RERE: variants seen among roughly 807,000 people sequenced by gnomAD.
The protein encoded by RERE is arginine-glutamic acid dipeptide repeats, also known as arginine-glutamic acid dipeptide repeats protein.
Under a neutral mutation model 146.1 loss-of-function variants are expected in RERE, and 40 were observed. That is an observed-to-expected ratio of 0.27 (90% confidence interval 0.21 to 0.36). The LOEUF is 0.36. Among genes scored for constraint, RERE ranks in the 10% least tolerant of loss-of-function variants. RERE has a pLI of 1.00. For synonymous variants in RERE, 1,003 were observed against 866.0 expected (o/e 1.16, Z -2.78); for missense variants, 1,933 against 2,138.7 (o/e 0.90, Z 1.90).
intron 12 of RERE, among the ~76,000 whole-genome samples, chr1:8,406,882 T>C (rs1287989195): frequency 1.3e-5 from 2 of 152,170 alleles, no homozygotes; most frequent in Admixed American, 6.5e-5. Context: ...TCAGAGCTCA[T>C]ACAACTTTGT....
At chr1:8,365,766 G>C (rs1282190776) in intron 13 of RERE, 46 bp downstream of exon 13, 13 of 1,601,764 alleles carry the variant, frequency 8.1e-6, no homozygotes, top group African/African-American at 6.7e-5. Context: ...GGCTGCCCGT[G>C]AACAGTCTCC....
At chr1:8,438,505 A>G (rs1277505180) in intron 11 of RERE, among the ~76,000 whole-genome samples, 1 of 152,252 alleles carries the variant, frequency 6.6e-6, no homozygotes, top group Non-Finnish European at 1.5e-5. Context: ...GATTTCCCAT[A>G]TAGATGGGTC....
Position 8,360,487 on chromosome 1 carries a change from A to C in RERE, c.3020T>G (p.Leu1007Arg). The change falls in exon 18 of 23, where the codon CTG (leucine) becomes CGG (arginine). Residue 1007 changes from leucine (L) to arginine (R), a missense_variant. This residue lies in a region of RERE where 1,255 missense variants were observed against 1,153.8 expected (regional missense o/e 1.09). Coordinates refer to ENST00000400908, the MANE Select transcript of RERE (RefSeq NM_001042681.2). ...LPSSPAQPPG[L>R]TQSQNLPPPP... is the part of the protein sequence containing the mutation. ...CGGGGGCAGGTTCTGGCTCTGGGTC[A>C]GCCCGGGGGGCTGGGCGGGCGAGGA... is the stretch of plus-strand genomic sequence containing the variant. 8.1e-7 allele frequency: 1 copy of C among 1,234,042 alleles called. No homozygotes were observed. The highest frequency in any genetic ancestry group is 1.0e-6 in the Non-Finnish European group (1 of 955,470). 76.4% of individuals were successfully genotyped at this position (1,234,042 alleles called of 1,614,324 possible).
chr1:8,773,554 G>A lies in RERE; in HGVS notation c.-145+43606C>T, dbSNP rs562794884. Among the ~76,000 whole-genome samples the A allele has an allele frequency of 5.3e-5, 8 of 152,194 alleles. No individual in the cohort carries two copies. In the South Asian group the frequency reaches 1.2e-3, roughly 24 times the overall value. On this transcript the variant is annotated intron_variant, in intron 1 of 22. Transcript: ENST00000400908. ...AAAAATACAAAAATTAGCTGGGCAC[G>A]GTAGCTCACGCCTGTAATCCCAGCA... is the stretch of plus-strand genomic sequence containing the variant.
At chr1:8,734,496 A>G (rs1237766554) in intron 1 of RERE, among the ~76,000 whole-genome samples, 1 of 152,158 alleles carries the variant, frequency 6.6e-6, no homozygotes, top group Non-Finnish European at 1.5e-5. Flanking sequence ...TGTCTGCACT[A>G]CATCTACCAA....
intron 3 of RERE, among the ~76,000 whole-genome samples, chr1:8,619,245 A>G (rs1475548105): frequency 1.3e-5 from 2 of 152,210 alleles, no homozygotes; most frequent in Non-Finnish European, 1.5e-5. Context: ...AGCCGTAACA[A>G]TATGTCGAGC....
At chr1:8,607,361 C>CAA (rs1646728871) in intron 4 of RERE, among the ~76,000 whole-genome samples, 10 of 136,454 alleles carry the variant, frequency 7.3e-5, no homozygotes, top group African/African-American at 2.9e-4. Context: ...TACCCTGTCT[C>CAA]CAAAAAAAAA....
At chr1:8,759,828 ACT>A (rs140265631) in intron 1 of RERE, among the ~76,000 whole-genome samples, 16 of 133,608 alleles carry the variant, frequency 1.2e-4, no homozygotes, top group African/African-American at 3.2e-4. Flanking sequence ...CTAAATTCTT[ACT>A]CTCTCTATAC....
intron 1 of RERE, among the ~76,000 whole-genome samples, chr1:8,758,868 T>C (rs1208113792): frequency 1.3e-5 from 2 of 150,272 alleles, no homozygotes; most frequent in Non-Finnish European, 3.0e-5. Flanking sequence ...AAAAAAAAAA[T>C]GTGAAGTAAT....
intron 4 of RERE, among the ~76,000 whole-genome samples, chr1:8,569,832 C>T (rs1193930420): frequency 6.8e-6 from 1 of 146,410 alleles, no homozygotes; most frequent in African/African-American, 2.4e-5. Flanking sequence ...CTAAAGGCTG[C>T]AATAAGCTAT....
chr1:8,788,015 T>C lies in RERE; in HGVS notation c.-145+29145A>G, dbSNP rs538464307. Among the ~76,000 whole-genome samples, 4 of 152,160 alleles carry C rather than the reference T, an allele frequency of 2.6e-5. No individual in the cohort carries two copies. The East Asian group carries it at 5.8e-4, about 22-fold the overall frequency. On this transcript the variant is annotated intron_variant, in intron 1 of 22. Transcript: ENST00000400908. ...TCGGAAGCTGGGGTGGGAGGACGGC[T>C]TGAGCCCGGGAGGTCAAGGCTGCAG...
chr1:8,497,865 A>G (rs1645066418), intron 8 of RERE, among the ~76,000 whole-genome samples: 1 of 152,256 alleles, frequency 6.6e-6, no homozygotes, highest in Admixed American at 6.5e-5. Flanking sequence ...GATAACAGCT[A>G]TTGATAAAGA....
chr1:8,709,346 C>T (rs1290872361), intron 1 of RERE, among the ~76,000 whole-genome samples: 2 of 151,670 alleles, frequency 1.3e-5, no homozygotes, highest in Non-Finnish European at 2.9e-5. Flanking sequence ...TCATGAACTC[C>T]TGAGCTCAAG....
chr1:8,772,646 G>A (rs1241775425), intron 1 of RERE, among the ~76,000 whole-genome samples: 1 of 151,912 alleles, frequency 6.6e-6, no homozygotes, highest in Non-Finnish European at 1.5e-5. Context: ...GCATGGTGGC[G>A]GGCACCTGTA....
At chr1:8,605,771 A>AAAAAAC (rs1491331726) in intron 4 of RERE, among the ~76,000 whole-genome samples, 1 of 138,228 alleles carries the variant, frequency 7.2e-6, no homozygotes, top group Non-Finnish European at 1.5e-5. Flanking sequence ...AAAAAAAAAA[A>AAAAAAC]CCCCTAAAAA....
intron 1 of RERE, among the ~76,000 whole-genome samples, chr1:8,693,131 T>C (rs1174367616): frequency 3.3e-5 from 5 of 152,216 alleles, no homozygotes; most frequent in Non-Finnish European, 5.9e-5. Flanking sequence ...GAAACTCTCA[T>C]TCATTGCTTG....
At position 8,423,971 on chromosome 1, in the gene RERE, C is replaced by T. The variant is rs1489251418; in HGVS notation, c.1204-1164G>A. ...CTGGAATCTGTGTCCTCCTTCCGGA[C>T]AGGAGAACATCAAGGCGGTAAAGCA... is the stretch of plus-strand genomic sequence containing the variant. On this transcript the variant is annotated intron_variant, in intron 11 of 22. Transcript: ENST00000400908. The surrounding 1 kb of genome is among the most constrained non-coding windows in gnomAD (Gnocchi z 5.4). 1 of 151,574 alleles carries T rather than the reference C, an allele frequency of 6.6e-6. No individual in the cohort carries two copies. Among genetic ancestry groups the T allele is most frequent in the African/African-American group, 2.4e-5 (1 of 41,306 alleles). 9.4% of individuals were successfully genotyped at this position (151,574 alleles called of 1,614,324 possible).
intron 11 of RERE, chr1:8,465,482 T>G: frequency 3.0e-6 from 1 of 330,012 alleles, no homozygotes; most frequent in Non-Finnish European, 6.0e-6. Context: ...AGCCCAGGAG[T>G]TCAAAACCAG....
chr1:8,794,978 A>G (rs1258152031), intron 1 of RERE, among the ~76,000 whole-genome samples: 5 of 151,932 alleles, frequency 3.3e-5, no homozygotes, highest in Non-Finnish European at 7.4e-5. Context: ...ACGCCCAGCT[A>G]ATATTTTTTA....
Sources: gnomAD v4.1 joint callset for allele counts (sites outside exome capture counted in the v4.1 genomes callset) on GRCh38, gnomAD v4.1.1 for gene constraint, gnomAD v4.1.1 regional missense constraint, Gnocchi (gnomAD v3.1) non-coding constraint, MANE v1.5 for transcripts, NCBI Gene and HGNC (gene_info 2026-07-23, HGNC 2026-07-21) for gene names.